Variants in PRICKLE2 observed in about 807,000 individuals in gnomAD.
PRICKLE2 encodes the protein prickle-like protein 2.
A neutral mutation model predicts 81.4 loss-of-function variants in PRICKLE2; 21 were observed. The ratio of observed to expected loss-of-function variants is 0.26; its 90% confidence interval spans 0.18 to 0.37. The LOEUF (loss-of-function observed/expected upper bound fraction) is 0.37, where lower values mean the gene tolerates loss of function less well. Ranked by LOEUF, PRICKLE2 falls within the 10% of genes least tolerant of loss-of-function variation. The pLI is 1.00. For missense variants in PRICKLE2, 940 were observed against 1,109.0 expected, an observed-to-expected ratio of 0.85 and a Z score of 2.16; for synonymous variants, 456 against 421.5, an observed-to-expected ratio of 1.08 and a Z score of -1.00.
chr3:64,161,705 TAA>T (rs1456971241), intron 3 of PRICKLE2, among the ~76,000 whole-genome samples: 21 of 57,512 alleles, frequency 3.7e-4, no homozygotes, highest in Non-Finnish European at 5.4e-4. Context: ...CTCTGTCAAA[TAA>T]AAAGAGTTAA....
intron 1 of PRICKLE2, chr3:64,200,947 T>TTTGG (rs2078564621): frequency 6.7e-6 from 1 of 148,184 alleles, no homozygotes; most frequent in African/African-American, 2.6e-5. Flanking sequence ...TTTTTTTTTT[T>TTTGG]GAGATGGAGT....
chr3:64,238,272 G>A (rs549905092), intron 2 of PRICKLE2, among the ~76,000 whole-genome samples: 80 of 152,200 alleles, frequency 5.3e-4, no homozygotes, highest in African/African-American at 1.7e-3. Context: ...AGGTACGAAC[G>A]AGGTCAAGAG....
upstream of PRICKLE2, among the ~76,000 whole-genome samples, chr3:64,227,698 G>A (rs1225451730): frequency 6.6e-6 from 1 of 152,172 alleles, no homozygotes; most frequent in African/African-American, 2.4e-5. Context: ...CATAATGATA[G>A]TGCCTACCTG....
chr3:64,100,007 A>G, intron 7 of PRICKLE2, 82 bp from the exon 8 acceptor site: 1 of 1,471,252 alleles, frequency 6.8e-7, no homozygotes, highest in Non-Finnish European at 9.5e-7. Context: ...TCATCTATCT[A>G]GGGTCATTAT....
chr3:64,120,147 C>A (rs1282654861), intron 7 of PRICKLE2, among the ~76,000 whole-genome samples: 3 of 152,140 alleles, frequency 2.0e-5, no homozygotes, highest in African/African-American at 7.2e-5. Context: ...ATACCCCAAA[C>A]CTCAGCATCA....
intron 2 of PRICKLE2, among the ~76,000 whole-genome samples, chr3:64,172,012 G>C (rs1188606316): frequency 2.6e-5 from 4 of 152,148 alleles, no homozygotes; most frequent in African/African-American, 9.7e-5. Context: ...AATCACATGA[G>C]TTGCTTTGCT....
chr3:64,105,049 G>A (rs116286948), intron 7 of PRICKLE2, among the ~76,000 whole-genome samples: 285 of 152,098 alleles, frequency 1.9e-3, no homozygotes, highest in African/African-American at 6.5e-3. Flanking sequence ...ACTCCTCCTC[G>A]CTTAACTCTG....
intron 7 of PRICKLE2, chr3:64,145,346 A>G (rs1370229427): frequency 7.0e-6 from 1 of 142,656 alleles, no homozygotes; most frequent in East Asian, 2.0e-4. Context: ...AATATATATT[A>G]TATATGATAT....
intron 2 of PRICKLE2, among the ~76,000 whole-genome samples, chr3:64,245,698 C>G (rs1206298352): frequency 2.6e-5 from 4 of 152,072 alleles, no homozygotes; most frequent in African/African-American, 7.2e-5. Context: ...ATGGATGATT[C>G]CTGAGAAAGT....
intron 2 of PRICKLE2, among the ~76,000 whole-genome samples, chr3:64,195,087 C>G (rs2078424989): frequency 6.6e-6 from 1 of 152,058 alleles, no homozygotes; most frequent in African/African-American, 2.4e-5. Flanking sequence ...TTCAGATGAT[C>G]AACTAGGGGC....
At chr3:64,149,518 T>G (rs1007445467) in intron 6 of PRICKLE2, among the ~76,000 whole-genome samples, 1 of 152,336 alleles carries the variant, frequency 6.6e-6, no homozygotes, top group East Asian at 1.9e-4. Flanking sequence ...CCTCAAGCTA[T>G]GACTGTAGGG....
At chr3:64,171,140 A>G (rs1164063320) in intron 2 of PRICKLE2, among the ~76,000 whole-genome samples, 1 of 152,034 alleles carries the variant, frequency 6.6e-6, no homozygotes, top group East Asian at 1.9e-4. Context: ...TTATTCCCCC[A>G]GATATTTACA....
chr3:64,110,096 G>A (rs1373557671), intron 7 of PRICKLE2, among the ~76,000 whole-genome samples: 1 of 152,250 alleles, frequency 6.6e-6, no homozygotes, highest in Non-Finnish European at 1.5e-5. Context: ...GTACCACTCA[G>A]CTCCATGGGG....
At chr3:64,166,055 T>C (rs528650285) in intron 2 of PRICKLE2, among the ~76,000 whole-genome samples, 5 of 151,892 alleles carry the variant, frequency 3.3e-5, no homozygotes, top group African/African-American at 1.2e-4. Context: ...GCCATGTATA[T>C]AAAAGGGTCT....
At chr3:64,211,407 G>A (rs1283885460) in intron 1 of PRICKLE2, among the ~76,000 whole-genome samples, 1 of 152,236 alleles carries the variant, frequency 6.6e-6, no homozygotes, top group Non-Finnish European at 1.5e-5. Flanking sequence ...AAATTTCAAA[G>A]TGGAGAGTTC....
chr3:64,220,606 A>G (rs2078936643), intron 1 of PRICKLE2, among the ~76,000 whole-genome samples: 1 of 152,176 alleles, frequency 6.6e-6, no homozygotes. Context: ...GAAGGGAGCT[A>G]TCAGAGAACC....
At chr3:64,252,806 G>A (rs2079467627) in intron 2 of PRICKLE2, among the ~76,000 whole-genome samples, 1 of 152,196 alleles carries the variant, frequency 6.6e-6, no homozygotes, top group Admixed American at 6.5e-5. Flanking sequence ...TTAAGGGTCA[G>A]GATCAATATT....
At chr3:64,113,281 C>G (rs975897098) in intron 7 of PRICKLE2, among the ~76,000 whole-genome samples, 1 of 152,172 alleles carries the variant, frequency 6.6e-6, no homozygotes, top group African/African-American at 2.4e-5. Flanking sequence ...CCATAAGAGA[C>G]TTTAGCCCTA....
upstream of PRICKLE2, among the ~76,000 whole-genome samples, chr3:64,227,788 A>T (rs2079049648): frequency 6.6e-6 from 1 of 152,194 alleles, no homozygotes; most frequent in African/African-American, 2.4e-5. Context: ...AACACTCAAT[A>T]AGTGTTAGCT....
Sources: gnomAD v4.1 joint callset for allele counts (sites outside exome capture counted in the v4.1 genomes callset) on GRCh38, gnomAD v4.1.1 for gene constraint, MANE v1.5 for transcripts, NCBI Gene and HGNC (gene_info 2026-07-23, HGNC 2026-07-21) for gene names.